The following PATL2 variants were observed in gnomAD, a reference collection of about 807,000 sequenced individuals.
PATL2 encodes protein PAT1 homolog 2.
PATL2 carries 73 observed loss-of-function variants against 77.0 expected under a neutral mutation model. That is an observed-to-expected ratio of 0.95 (90% CI 0.78 to 1.15). PATL2 has a LOEUF of 1.15. PATL2 is among the 50% of genes most tolerant of loss of function. PATL2 has a pLI of 0.00. For synonymous variants in PATL2, 265 were observed against 257.1 expected (o/e 1.03, Z -0.29); for missense variants, 618 against 655.4 (o/e 0.94, Z 0.62).
chr15:44,680,619 A>G (rs1307224784), intron 3 of PATL2, among the ~76,000 whole-genome samples: 1 of 152,050 alleles, frequency 6.6e-6, no homozygotes, highest in Non-Finnish European at 1.5e-5. Context: ...TTCTTAGTGT[A>G]TAGGATAGAA....
chr15:44,668,999 C>T lies in PATL2; in HGVS notation c.1205G>A (p.Arg402Gln), dbSNP rs199627539. ...AITHHLPLLV[R>Q]RDVADQALQM... ...CAGTACCTGATCAGCCACATCCCTC[C>T]GGACCAGGAGGGGCAGATGGTGGGT... is the stretch of plus-strand genomic sequence containing the variant. The change falls in exon 14 of 18, where the codon CGG (arginine) becomes CAG (glutamine). Residue 402 changes from arginine (R) to glutamine (Q), a missense_variant. Physicochemically the swap from Arg to Gln is conservative, Grantham distance 43 (BLOSUM62 1). Coordinates refer to ENST00000682850, the MANE Select transcript of PATL2 (RefSeq NM_001387263.1). The T allele has an allele frequency of 4.8e-5, 75 of 1,548,254 alleles. 1 individual carries two copies. Among genetic ancestry groups the T allele is most frequent in the Admixed American group, 2.8e-4 (14 of 50,648 alleles).
rs1011539285 is a variant in PATL2 at position 44,669,391 on chromosome 15, A to G, written c.953T>C (p.Ile318Thr). The change falls in exon 13 of 18, where the codon ATA becomes ACA. Residue 318 changes from isoleucine (I) to threonine (T), a missense_variant. Physicochemically the swap from Ile to Thr is moderately conservative, Grantham distance 89. Coordinates refer to ENST00000682850, the MANE Select transcript of PATL2 (RefSeq NM_001387263.1). ...IEKMFLQLLE[I>T]EEGWKYRPPP... ...AGGCCTATACTTCCAGCCTTCCTCTATTTCTAGTAACTGAAGGAACATCTG... is the reference window on the plus strand; with the variant it reads ...AGGCCTATACTTCCAGCCTTCCTCTGTTTCTAGTAACTGAAGGAACATCTG... The G allele has an allele frequency of 6.4e-7, 1 of 1,551,052 alleles. No individual in the cohort carries two copies. Among genetic ancestry groups the G allele is most frequent in the South Asian group, 1.2e-5 (1 of 84,054 alleles).
intron 3 of PATL2, among the ~76,000 whole-genome samples, chr15:44,705,184 C>CT (rs796905576): frequency 1.4e-3 from 210 of 149,358 alleles, no homozygotes; most frequent in African/African-American, 4.6e-3. Flanking sequence ...GCCAATAACT[C>CT]TTTTTTTTTT....
At chr15:44,673,170 C>A in intron 7 of PATL2, 65 bp downstream of exon 7, 1 of 1,518,998 alleles carries the variant, frequency 6.6e-7, no homozygotes, top group Non-Finnish European at 8.9e-7. Flanking sequence ...AACTGGTAGG[C>A]ATGGTCCCCG....
intron 3 of PATL2, among the ~76,000 whole-genome samples, chr15:44,678,761 C>G (rs1261315895): frequency 1.3e-5 from 2 of 152,078 alleles, no homozygotes; most frequent in African/African-American, 2.4e-5. Context: ...GCCTGGACAA[C>G]ATAGTGAGAC....
intron 3 of PATL2, among the ~76,000 whole-genome samples, chr15:44,702,445 TG>T (rs780997905): frequency 2.0e-5 from 3 of 152,048 alleles, no homozygotes; most frequent in African/African-American, 4.8e-5. Flanking sequence ...CTTTTCTTTT[TG>T]TTGATCTTTT....
At chr15:44,699,373 TCA>T (rs1445440802) in intron 3 of PATL2, among the ~76,000 whole-genome samples, 1 of 152,186 alleles carries the variant, frequency 6.6e-6, no homozygotes, top group Non-Finnish European at 1.5e-5. Flanking sequence ...AGACAGGGTC[TCA>T]CTGTGTCACC....
intron 3 of PATL2, among the ~76,000 whole-genome samples, chr15:44,677,301 T>C (rs752351664): frequency 6.6e-6 from 1 of 152,172 alleles, no homozygotes; most frequent in East Asian, 1.9e-4. Flanking sequence ...GGCAGCGTAC[T>C]TGAAGCCCTC....
intron 14 of PATL2, 153 bp from the exon 15 acceptor site, chr15:44,668,635 A>G (rs1287480627): frequency 9.1e-6 from 9 of 984,362 alleles, no homozygotes; most frequent in African/African-American, 1.6e-5. Context: ...CTCCATCCCC[A>G]ACACTGACAC....
At chr15:44,667,376 CT>C in intron 15 of PATL2, 173 bp from the exon 16 acceptor site, 1 of 584,718 alleles carries the variant, frequency 1.7e-6, no homozygotes, top group Non-Finnish European at 3.1e-6. Context: ...CTCTCTAACC[CT>C]TTCCATAGGA....
chr15:44,686,227 T>C (rs1438598927), intron 3 of PATL2, among the ~76,000 whole-genome samples: 1 of 152,102 alleles, frequency 6.6e-6, no homozygotes, highest in East Asian at 1.9e-4. Context: ...CACAGTGCAA[T>C]CAAATTAGAA....
chr15:44,700,394 T>C (rs1285365142), intron 3 of PATL2, among the ~76,000 whole-genome samples: 1 of 152,122 alleles, frequency 6.6e-6, no homozygotes, highest in Non-Finnish European at 1.5e-5. Flanking sequence ...CTCCACCTCC[T>C]GGGTTCAAGT....
chr15:44,676,690 A>C, intron 3 of PATL2, 125 bp from the exon 4 acceptor site: 1 of 1,191,334 alleles, frequency 8.4e-7, no homozygotes, highest in Non-Finnish European at 1.1e-6. Context: ...TCTTGAGGAG[A>C]GAGACCCTGG....
rs545274424 is a variant in PATL2, at chr15:44,696,558, C to A, written c.-76+13538G>T. ...TCTGATAGACTGCAATGGTTACACA[C>A]AAGCCTGTGGGACAGGTTCTCTGCC... On this transcript the variant is annotated intron_variant, in intron 3 of 17. Transcript: ENST00000682850. Among the ~76,000 whole-genome samples, 201 of 152,284 alleles carry A rather than the reference C, an allele frequency of 1.3e-3. 2 individuals carry two copies. Among genetic ancestry groups the A allele is most frequent in the African/African-American group, 4.8e-3 (198 of 41,556 alleles).
intron 3 of PATL2, among the ~76,000 whole-genome samples, chr15:44,692,946 A>G (rs949773731): frequency 5.7e-4 from 87 of 152,366 alleles, no homozygotes; most frequent in African/African-American, 2.0e-3. Context: ...TGGCAGTGAT[A>G]GGAGGGGAAG....
chr15:44,676,883 C>T, intron 3 of PATL2: 1 of 1,078,410 alleles, frequency 9.3e-7, no homozygotes. Flanking sequence ...CTGTTGCTGT[C>T]CTTTCTGTTT....
intron 17 of PATL2, 132 bp downstream of exon 17, chr15:44,666,260 T>C: frequency 1.6e-6 from 2 of 1,233,044 alleles, no homozygotes; most frequent in East Asian, 2.5e-5. Context: ...TAAATGTCAG[T>C]GTGTAGAACC....
chr15:44,668,179 G>T (rs2085478150), intron 15 of PATL2, among the ~76,000 whole-genome samples, 163 bp downstream of exon 15: 1 of 152,200 alleles, frequency 6.6e-6, no homozygotes, highest in Admixed American at 6.5e-5. Context: ...GGACCAAGGA[G>T]CTGGGTTTAA....
At position 44,669,968 on chromosome 15, in the gene PATL2, G is replaced by A. The variant is rs1199490988; in HGVS notation, c.777C>T (p.Ser259=). 19 of 1,548,766 alleles carry A rather than the reference G, an allele frequency of 1.2e-5. No individual in the cohort carries two copies. The highest frequency in any genetic ancestry group is 9.8e-5 in the East Asian group (4 of 40,914). The change falls in exon 10 of 18, where the codon TCC becomes TCT. Residue 259 remains serine (S), a splice_region_variant and synonymous_variant. Transcript: ENST00000682850. ...PYIPKAEAYE[S]VVRIEGSLGQ... ...TCAGCAGGTCAGCCCTGACCCTACC[G>A]GACTCATAAGCCTCTGCCTTCGGAA...
Sources: allele counts gnomAD v4.1 joint callset (sites outside exome capture counted in the v4.1 genomes callset), GRCh38; gene constraint gnomAD v4.1.1; transcripts MANE v1.5; gene names NCBI Gene and HGNC (gene_info 2026-07-23, HGNC 2026-07-21).